Variants in ADGRF5 observed in about 807,000 individuals in gnomAD.
The protein encoded by ADGRF5 is G-protein coupled receptor 116.
Under a neutral mutation model 132.3 loss-of-function variants are expected in ADGRF5, and 75 were observed. The observed-to-expected ratio is 0.57, with a 90% CI of 0.47 to 0.69. The LOEUF is 0.69. ADGRF5 is among the 30% of genes least tolerant of loss of function. The pLI is 0.00. For synonymous variants in ADGRF5, 629 were observed against 597.6 expected (o/e 1.05, Z -0.77); for missense variants, 1,516 against 1,630.6 (o/e 0.93, Z 1.21).
At chr6:46,890,696 G>A (rs138579743) in intron 3 of ADGRF5, among the ~76,000 whole-genome samples, 12 of 151,962 alleles carry the variant, frequency 7.9e-5, no homozygotes, top group Non-Finnish European at 1.5e-4. Context: ...CAGCCTGGGC[G>A]GCGAGAGACA....
intron 1 of ADGRF5, among the ~76,000 whole-genome samples, chr6:46,935,034 T>C: frequency 1.4e-5 from 2 of 147,090 alleles, no homozygotes; most frequent in South Asian, 2.3e-4. Flanking sequence ...GACGGAGTCT[T>C]GCTCTGTTGC....
chr6:46,877,378 T>TTTATTTC (rs1771931216), intron 10 of ADGRF5, among the ~76,000 whole-genome samples: 2 of 51,406 alleles, frequency 3.9e-5, no homozygotes, highest in Non-Finnish European at 4.7e-5. Context: ...TCTTTCTTTC[T>TTTATTTC]TTCTTTCTTC....
chr6:46,877,283 CTTTCTT>C (rs61338160), intron 10 of ADGRF5, among the ~76,000 whole-genome samples: 1,964 of 49,838 alleles, frequency 0.039, 16 homozygotes, highest in Middle Eastern at 0.071. Context: ...TTCTTTCTTT[CTTTCTT>C]TCTCTCTCTC....
intron 1 of ADGRF5, among the ~76,000 whole-genome samples, chr6:46,907,115 A>G (rs953891238): frequency 6.6e-6 from 1 of 151,988 alleles, no homozygotes; most frequent in African/African-American, 2.4e-5. Context: ...GCTACATGCA[A>G]TATACTTTGG....
intron 1 of ADGRF5, among the ~76,000 whole-genome samples, chr6:46,937,221 A>AGTGTGTGTGTGTGTGTGT (rs10558166): frequency 7.2e-4 from 105 of 146,794 alleles, no homozygotes; most frequent in African/African-American, 2.2e-3. Context: ...GGCAATAAGG[A>AGTGTGTGTGTGTGTGTGT]GTGTGTGTGT....
At chr6:46,949,162 C>T (rs913943137) in intron 1 of ADGRF5, among the ~76,000 whole-genome samples, 3 of 152,108 alleles carry the variant, frequency 2.0e-5, no homozygotes, top group African/African-American at 2.4e-5. Context: ...GGCTTTGTTT[C>T]GGTCTGAAAA....
chr6:46,905,963 C>A (rs1167754016), intron 2 of ADGRF5, among the ~76,000 whole-genome samples: 1 of 152,132 alleles, frequency 6.6e-6, no homozygotes, highest in African/African-American at 2.4e-5. Context: ...GAAATTGAGA[C>A]AGAGAGAATT....
At chr6:46,892,144 G>A (rs1773706998) in intron 3 of ADGRF5, among the ~76,000 whole-genome samples, 1 of 137,672 alleles carries the variant, frequency 7.3e-6, no homozygotes, top group Non-Finnish European at 1.5e-5. Context: ...TACACCTAGG[G>A]AATACACAAA....
chr6:46,949,357 C>T (rs1342566379), intron 1 of ADGRF5, among the ~76,000 whole-genome samples: 1 of 152,180 alleles, frequency 6.6e-6, no homozygotes, highest in African/African-American at 2.4e-5. Flanking sequence ...TAACAGAAAG[C>T]TCTGGGGCTG....
chr6:46,943,501 A>G (rs1242242594), intron 1 of ADGRF5, among the ~76,000 whole-genome samples: 2 of 152,194 alleles, frequency 1.3e-5, no homozygotes, highest in Non-Finnish European at 2.9e-5. Context: ...TGATGATGAT[A>G]CTATTGCTAT....
rs1002605986 is a variant in ADGRF5 at position 46,853,580 on chromosome 6, T to TCTTC, written c.*408_*411dup. On this transcript the variant is annotated 3_prime_UTR_variant, in exon 21 of 21. Transcript: ENST00000283296. ...GTTTCCCTCCCTTCTTTCCTTCCTT[T>TCTTC]CTTCCTTCCTTCCTTCTTAGAATTC... The TCTTC allele has an allele frequency of 1.3e-5, 2 of 150,534 alleles. No individual in the cohort carries two copies. The highest frequency in any genetic ancestry group is 5.0e-5 in the African/African-American group (2 of 39,884). The allele number at this position is 150,534 out of a possible 1,614,324, so 9.3% of individuals were successfully genotyped here.
chr6:46,859,230 C>T lies in ADGRF5; in HGVS notation c.2673G>A (p.Leu891=), dbSNP rs1651360263. The change falls in exon 17 of 21, where the codon TTG becomes TTA. Residue 891 remains leucine (L), a synonymous_variant. Transcript: ENST00000283296. The stretch of plus-strand genomic sequence containing the variant: ...TGGTGACAATAGACGAATCCGACTG[C>T]AAGTTTTCTAGATAGCTCTTGTCAA... ...VVIDKSYLEN[L]QSDSSIVTMA... 1.2e-6 allele frequency: 2 copies of T among 1,614,152 alleles called. No individual in the cohort carries two copies. Among genetic ancestry groups the T allele is most frequent in the South Asian group, 2.2e-5 (2 of 91,074 alleles).
At chr6:46,928,108 G>A (rs996289960) in intron 1 of ADGRF5, among the ~76,000 whole-genome samples, 5 of 152,166 alleles carry the variant, frequency 3.3e-5, no homozygotes, top group Non-Finnish European at 5.9e-5. Flanking sequence ...AGTCAGATTG[G>A]GTTCCAGACG....
intron 1 of ADGRF5, among the ~76,000 whole-genome samples, chr6:46,918,648 C>A: frequency 6.6e-6 from 1 of 152,138 alleles, no homozygotes. Flanking sequence ...TCTTAGGGAG[C>A]CAACATATCT....
upstream of ADGRF5, among the ~76,000 whole-genome samples, chr6:46,925,333 G>C (rs1222851613): frequency 6.6e-6 from 1 of 152,136 alleles, no homozygotes; most frequent in Non-Finnish European, 1.5e-5. Context: ...GGCCTTCATT[G>C]ACAGCCATAT....
At chr6:46,937,262 G>T (rs988733229) in intron 1 of ADGRF5, among the ~76,000 whole-genome samples, 12 of 152,020 alleles carry the variant, frequency 7.9e-5, no homozygotes, top group African/African-American at 2.7e-4. Flanking sequence ...GAGTGTGTGT[G>T]TGTTGATGGG....
intron 1 of ADGRF5, among the ~76,000 whole-genome samples, chr6:46,911,133 C>T (rs539108601): frequency 6.6e-6 from 1 of 152,254 alleles, no homozygotes. Flanking sequence ...TACAGAGAGG[C>T]AAGATGGGTT....
intron 19 of ADGRF5, 120 bp from the exon 20 acceptor site, chr6:46,856,178 C>T (rs1310385351): frequency 2.1e-5 from 13 of 633,514 alleles, no homozygotes; most frequent in Non-Finnish European, 2.3e-5. Flanking sequence ...TCTAGTCCCA[C>T]TCCCAGAGGT....
chr6:46,864,190 A>G (rs116540843), intron 14 of ADGRF5, among the ~76,000 whole-genome samples: 388 of 152,342 alleles, frequency 2.5e-3, no homozygotes, highest in African/African-American at 8.6e-3. Flanking sequence ...AGGATGATCT[A>G]TCCTTCCCTG....
Sources: gnomAD v4.1 joint callset for allele counts (sites outside exome capture counted in the v4.1 genomes callset) on GRCh38, gnomAD v4.1.1 for gene constraint, MANE v1.5 for transcripts, NCBI Gene and HGNC (gene_info 2026-07-23, HGNC 2026-07-21) for gene names.